NLGN2: variants seen among roughly 807,000 people sequenced by gnomAD.
NLGN2 encodes neuroligin-2.
NLGN2 carries 11 observed loss-of-function variants against 48.6 expected under a neutral mutation model. The observed-to-expected ratio is 0.23, with a 90% CI of 0.14 to 0.37. The LOEUF (loss-of-function observed/expected upper bound fraction) is 0.37, where lower values mean the gene tolerates loss of function less well. Among genes scored for constraint, NLGN2 ranks in the 10% least tolerant of loss-of-function variants. NLGN2 has a pLI of 1.00. For synonymous variants in NLGN2, 548 were observed against 550.0 expected (o/e 1.00, Z 0.05); for missense variants, 801 against 1,225.2 (o/e 0.65, Z 5.17).
At chr17:7,406,696 G>T (rs1367630837), upstream of NLGN2, among the ~76,000 whole-genome samples, 1 of 150,164 alleles carries the variant, frequency 6.7e-6, no homozygotes, top group African/African-American at 2.4e-5. Context: ...CTGCCCCTCC[G>T]GTCTGATCTT....
intron 2 of NLGN2, among the ~76,000 whole-genome samples, chr17:7,412,937 T>A (rs1393896669): frequency 6.6e-6 from 1 of 152,190 alleles, no homozygotes; most frequent in African/African-American, 2.4e-5. Context: ...CTGTTTTTGT[T>A]GTTGGTTTTG....
At position 7,413,925 on chromosome 17, in the gene NLGN2, G is replaced by A. The variant is rs1421524547; in HGVS notation, c.509-419G>A. On this transcript the variant is annotated intron_variant, in intron 2 of 6. Transcript: ENST00000302926. The surrounding 1 kb of genome is among the most constrained non-coding windows in gnomAD (Gnocchi z 4.9). Reference sequence around the variant, plus strand: ...GGAGTGGAGGCCCAAGGCCTGAGTCGGAGGAGACACCAGGACCCTCCCAGC... The same window carrying A: ...GGAGTGGAGGCCCAAGGCCTGAGTCAGAGGAGACACCAGGACCCTCCCAGC... Among the ~76,000 whole-genome samples the A allele has an allele frequency of 1.3e-5, 2 of 152,068 alleles. No individual in the cohort carries two copies. The highest frequency in any genetic ancestry group is 2.4e-5 in the African/African-American group (1 of 41,402).
In NLGN2 at chr17:7,417,875, A is replaced by G; in HGVS notation, c.*76A>G. On this transcript the variant is annotated 3_prime_UTR_variant, in exon 7 of 7. Coordinates refer to ENST00000302926, the MANE Select transcript of NLGN2 (RefSeq NM_020795.4). Reference sequence around the variant, plus strand: ...CGAAGGCAGGGAGGAGGACTTGGCAACTGGCTTTTCTCCTGTGGAGTCGTC... The same window carrying G: ...CGAAGGCAGGGAGGAGGACTTGGCAGCTGGCTTTTCTCCTGTGGAGTCGTC... 2 of 1,333,732 alleles carry G rather than the reference A, an allele frequency of 1.5e-6. No homozygotes were observed. Among genetic ancestry groups the G allele is most frequent in the Non-Finnish European group, 1.9e-6 (2 of 1,046,064 alleles). 82.6% of individuals were successfully genotyped at this position (1,333,732 alleles called of 1,614,324 possible).
Position 7,414,391 on chromosome 17 carries a change from G to C in NLGN2, c.556G>C (p.Gly186Arg), listed in dbSNP as rs201481724. The C allele has an allele frequency of 6.2e-7, 1 of 1,614,116 alleles. No homozygotes were observed. The highest frequency in any genetic ancestry group is 1.3e-5 in the African/African-American group (1 of 75,010). The stretch of plus-strand genomic sequence containing the variant: ...GCCTGTGATGCTGTTTCTCCATGGC[G>C]GCTCCTACATGGAGGGGACCGGAAA... ...KKPVMLFLHG[G>R]SYMEGTGNMF... The change falls in exon 3 of 7, where the codon GGC becomes CGC. Residue 186 changes from glycine (G) to arginine (R), a missense_variant. Gly to Arg is a moderately radical substitution (Grantham distance 125, BLOSUM62 -2). Transcript: ENST00000302926.
Position 7,408,513 on chromosome 17 carries a change from G to C in NLGN2, c.258G>C (p.Pro86=). Residue 86 remains proline, a synonymous_variant, in exon 1 of 7, where the codon CCG becomes CCC. Coordinates refer to ENST00000302926, the MANE Select transcript of NLGN2 (RefSeq NM_020795.4). The surrounding 1 kb of genome is among the most constrained non-coding windows in gnomAD (Gnocchi z 7.5). The stretch of plus-strand genomic sequence containing the variant: ...CCCTGGGCGCCCGCCGCTTCCAGCC[G>C]CCTGAGGCGCCCGCCTCGTGGCCCG... ...TPPLGARRFQ[P]PEAPASWPGV... The C allele has an allele frequency of 6.5e-7, 1 of 1,529,650 alleles. No homozygotes were observed. Among genetic ancestry groups the C allele is most frequent in the Non-Finnish European group, 8.7e-7 (1 of 1,143,690 alleles). 94.8% of individuals were successfully genotyped at this position (1,529,650 alleles called of 1,614,324 possible). A position where few individuals can be genotyped will look rare whatever the true frequency, so the allele number is the denominator to read the frequency against.
intron 2 of NLGN2, 22 bp from the exon 3 acceptor site, chr17:7,414,322 C>CT: frequency 6.9e-7 from 1 of 1,450,108 alleles, no homozygotes. Flanking sequence ...CCTGGCCCAC[C>CT]TGCCCACCCC....
Position 7,419,668 on chromosome 17 carries a change from GCC to G in NLGN2, c.*1871_*1872del, listed in dbSNP as rs1222621419. 1 of 152,276 alleles carries G rather than the reference GCC, an allele frequency of 6.6e-6. No homozygotes were observed. The highest frequency in any genetic ancestry group is 1.9e-4 in the East Asian group (1 of 5,198). The allele number at this position is 152,276 out of a possible 1,614,324, so 9.4% of individuals were successfully genotyped here. ...TGGGCCCTGAACCCTGTAGACAGAT[GCC>G]CTCAGAATTGGGGCATGGGAGGGGG... On this transcript the variant is annotated 3_prime_UTR_variant, in exon 7 of 7. Transcript: ENST00000302926.
chr17:7,406,653 C>CGGGG (rs71157283), upstream of NLGN2, among the ~76,000 whole-genome samples: 237 of 90,158 alleles, frequency 2.6e-3, 1 homozygote, highest in Non-Finnish European at 3.7e-3. Flanking sequence ...GGTGGGGGGG[C>CGGGG]GGGGGGGGGG....
upstream of NLGN2, among the ~76,000 whole-genome samples, chr17:7,407,702 G>T (rs1304158873): frequency 6.6e-6 from 1 of 152,064 alleles, no homozygotes; most frequent in Non-Finnish European, 1.5e-5. Flanking sequence ...TGGGTCTGGA[G>T]AGCTGACCCG....
chr17:7,415,260 G>T, intron 5 of NLGN2, 112 bp downstream of exon 5: 1 of 1,032,962 alleles, frequency 9.7e-7, no homozygotes, highest in Non-Finnish European at 1.4e-6. Flanking sequence ...CTGGCCCCCA[G>T]TAAGTGGCCT....
rs1907135420 is a variant in NLGN2, at chr17:7,417,171, C to T, written c.1880C>T (p.Thr627Met). The T allele has an allele frequency of 7.6e-6, 12 of 1,588,776 alleles. No individual in the cohort carries two copies. Among genetic ancestry groups the T allele is most frequent in the Non-Finnish European group, 1.0e-5 (12 of 1,171,016 alleles). ...ACCACGCGCCTGCCTCCCTACGCCA[C>T]GCGCTGGCCGCCTCGTCCCCCCGCT... is the stretch of plus-strand genomic sequence containing the variant. ...TTTTRLPPYATRWPPRPPAGA... is the reference protein window; with the variant it reads ...TTTTRLPPYAMRWPPRPPAGA... The change falls in exon 7 of 7, where the codon ACG becomes ATG. Residue 627 changes from threonine to methionine, a missense_variant. This residue lies in a region of NLGN2 where 303 missense variants were observed against 600.1 expected (regional missense o/e 0.50). Transcript: ENST00000302926.
At chr17:7,414,928 C>T (rs1907038779) in intron 4 of NLGN2, 28 bp from the exon 5 acceptor site, 1 of 1,613,246 alleles carries the variant, frequency 6.2e-7, no homozygotes, top group Non-Finnish European at 8.5e-7. Flanking sequence ...TACTCACAGC[C>T]TGGCCTGAGG....
In NLGN2 at chr17:7,408,104, T is replaced by A; in HGVS notation, c.-152T>A. ...GAACAGACCCCTTCTCTGTCCAGTC[T>A]AACCCAGGTCCCTCCCCAACCCCCT... On this transcript the variant is annotated 5_prime_UTR_variant, in exon 1 of 7. The change abolishes the stop of an existing upstream ORF in the 5' untranslated region. Coordinates refer to ENST00000302926, the MANE Select transcript of NLGN2 (RefSeq NM_020795.4). This position sits in a 1 kb window ranked among gnomAD's most constrained non-coding sequence, Gnocchi z 7.5. 2.5e-6 allele frequency: 1 copy of A among 404,202 alleles called. No individual in the cohort carries two copies. Among genetic ancestry groups the A allele is most frequent in the African/African-American group, 2.2e-5 (1 of 46,180 alleles). 25.0% of individuals were successfully genotyped at this position (404,202 alleles called of 1,614,324 possible).
chr17:7,417,470 C>A lies in NLGN2; in HGVS notation c.2179C>A (p.Pro727Thr), dbSNP rs1198748618. ...AGGCTCTGGCGTGCCTGGTGGGGGCCCCCTGCTCCCCGCCGCGGGCCGTGA... is the reference window on the plus strand; with the variant it reads ...AGGCTCTGGCGTGCCTGGTGGGGGCACCCTGCTCCCCGCCGCGGGCCGTGA... ...GSGSGVPGGG[P>T]LLPAAGRELP... is the part of the protein sequence containing the mutation. Residue 727 changes from proline (P) to threonine (T), a missense_variant, in exon 7 of 7, where the codon CCC (proline) becomes ACC (threonine). This residue lies in a region of NLGN2 where 276 missense variants were observed against 313.9 expected (regional missense o/e 0.88). Transcript: ENST00000302926. The A allele has an allele frequency of 6.5e-7, 1 of 1,540,454 alleles. No individual in the cohort carries two copies. Among genetic ancestry groups the A allele is most frequent in the East Asian group, 2.5e-5 (1 of 40,424 alleles).
chr17:7,410,031 A>G, intron 1 of NLGN2, among the ~76,000 whole-genome samples: 1 of 151,710 alleles, frequency 6.6e-6, no homozygotes, highest in East Asian at 1.9e-4. Context: ...CACAGTCCCC[A>G]ACATCCCCAA....
rs981132178 is a variant in NLGN2 at position 7,412,355 on chromosome 17, A to G, written c.508+148A>G. On this transcript the variant is annotated intron_variant, in intron 2 of 6. Coordinates refer to ENST00000302926, the MANE Select transcript of NLGN2 (RefSeq NM_020795.4). Reference sequence around the variant, plus strand: ...AAAGAAAAGAAAAGAAAAATGTTTAATAATTGGAAAAAAGAATTATGAAAA... The same window carrying G: ...AAAGAAAAGAAAAGAAAAATGTTTAGTAATTGGAAAAAAGAATTATGAAAA... The G allele has an allele frequency of 4.3e-6, 3 of 689,712 alleles. No homozygotes were observed. In the East Asian group the frequency reaches 8.0e-5, roughly 18 times the overall value. 42.7% of individuals were successfully genotyped at this position (689,712 alleles called of 1,614,324 possible).
chr17:7,416,239 C>T (rs777239423), intron 6 of NLGN2, 132 bp downstream of exon 6: 128 of 728,394 alleles, frequency 1.8e-4, no homozygotes, highest in Middle Eastern at 3.3e-4. Flanking sequence ...ACCTCTGTGC[C>T]AGGCACGGAG....
Position 7,408,212 on chromosome 17 carries a change from A to C in NLGN2, c.-44A>C. ...TCTCCCCCCCTTCTCTCTCTCTCCGAGGGGGGGGGGTCCCAGGGAGGGAGG... is the reference window on the plus strand; with the variant it reads ...TCTCCCCCCCTTCTCTCTCTCTCCGCGGGGGGGGGGTCCCAGGGAGGGAGG... On this transcript the variant is annotated 5_prime_UTR_variant, in exon 1 of 7. Transcript: ENST00000302926. The surrounding 1 kb of genome is among the most constrained non-coding windows in gnomAD (Gnocchi z 7.5). 9.1e-6 allele frequency: 8 copies of C among 880,798 alleles called. No individual in the cohort carries two copies. Among genetic ancestry groups the C allele is most frequent in the Non-Finnish European group, 1.2e-5 (8 of 676,770 alleles). 54.6% of individuals were successfully genotyped at this position (880,798 alleles called of 1,614,324 possible).
chr17:7,414,875 A>C, intron 4 of NLGN2, 27 bp downstream of exon 4: 1 of 1,613,226 alleles, frequency 6.2e-7, no homozygotes, highest in Non-Finnish European at 8.5e-7. Context: ...AGCCTGTTCC[A>C]CCCTTCCCAA....
Sources: allele counts gnomAD v4.1 joint callset (sites outside exome capture counted in the v4.1 genomes callset), GRCh38; gene constraint gnomAD v4.1.1; regional missense constraint gnomAD v4.1.1; non-coding constraint Gnocchi (gnomAD v3.1); transcripts MANE v1.5; gene names NCBI Gene and HGNC (gene_info 2026-07-23, HGNC 2026-07-21).